The following ATP8B2 variants were observed in gnomAD, a reference collection of about 807,000 sequenced individuals.
ATP8B2 encodes the protein ATPase phospholipid transporting 8B2.
ATP8B2 carries 70 observed loss-of-function variants against 133.4 expected under a neutral mutation model. That is an observed-to-expected ratio of 0.52 (90% CI 0.43 to 0.64). The LOEUF (loss-of-function observed/expected upper bound fraction) is 0.64. ATP8B2 is among the 30% of genes least tolerant of loss of function. ATP8B2 has a pLI of 0.00. For synonymous variants in ATP8B2, 517 were observed against 589.5 expected (o/e 0.88, Z 1.78); for missense variants, 1,101 against 1,535.7 (o/e 0.72, Z 4.73).
intron 2 of ATP8B2, among the ~76,000 whole-genome samples, chr1:154,329,494 G>C (rs903795462): frequency 6.6e-6 from 1 of 152,144 alleles, no homozygotes; most frequent in Non-Finnish European, 1.5e-5. Flanking sequence ...CCCCCGGGGA[G>C]ACGGGCTGGG....
Position 154,337,399 on chromosome 1 carries a change from A to G in ATP8B2, c.889A>G (p.Ile297Val), listed in dbSNP as rs916241854. The G allele has an allele frequency of 2.5e-6, 4 of 1,614,040 alleles. No homozygotes were observed. Among genetic ancestry groups the G allele is most frequent in the African/African-American group, 2.7e-5 (2 of 74,912 alleles). ...MGVILAIGNA[I>V]WEHEVGMRFQ... ...GGTGATCCTGGCCATTGGCAATGCCATCTGGGAGCACGAGGTGGGGATGCG... is the reference window on the plus strand; with the variant it reads ...GGTGATCCTGGCCATTGGCAATGCCGTCTGGGAGCACGAGGTGGGGATGCG... Residue 297 changes from isoleucine to valine, a missense_variant, in exon 12 of 28, where the codon ATC becomes GTC. Physicochemically the swap from Ile to Val is conservative, Grantham distance 29. Transcript: ENST00000368489.
In ATP8B2 at chr1:154,340,691, C is replaced by T. The variant is rs1020239627; in HGVS notation, c.1035-163C>T. On this transcript the variant is annotated intron_variant, in intron 12 of 27. Transcript: ENST00000368489. This position sits in a 1 kb window ranked among gnomAD's most constrained non-coding sequence, Gnocchi z 4.0. ...CTCTGCTGGCTGTGTGCAGCCGGCT[C>T]CACCTTCAGGCTCTCCTTGCCCTTT... is the stretch of plus-strand genomic sequence containing the variant. The T allele has an allele frequency of 1.5e-6, 1 of 671,142 alleles. No homozygotes were observed. The highest frequency in any genetic ancestry group is 1.8e-5 in the African/African-American group (1 of 55,258). The allele number at this position is 671,142 out of a possible 1,614,324, so 41.6% of individuals were successfully genotyped here. A position where few individuals can be genotyped will look rare whatever the true frequency, so the allele number is the denominator to read the frequency against.
rs143385680 is a variant in ATP8B2, at chr1:154,344,721, A to T, written c.2222A>T (p.Lys741Met). Reference sequence around the variant, plus strand: ...TATCAGGACAAGCTTTCTTCTTCCAAGCTAACTTCTGTCCTGGAGGCCGTT... The same window carrying T: ...TATCAGGACAAGCTTTCTTCTTCCATGCTAACTTCTGTCCTGGAGGCCGTT... Reference protein sequence around the residue: ...FTYQDKLSSSKLTSVLEAVAG... With the variant: ...FTYQDKLSSSMLTSVLEAVAG... The change falls in exon 21 of 28, where the codon AAG (lysine) becomes ATG (methionine). Residue 741 changes from lysine (K) to methionine (M), a missense_variant. By Grantham distance (95) the Lys-to-Met change is moderately conservative. Transcript: ENST00000368489. The surrounding 1 kb of genome is among the most constrained non-coding windows in gnomAD (Gnocchi z 4.1). 3 of 1,611,838 alleles carry T rather than the reference A, an allele frequency of 1.9e-6. No individual in the cohort carries two copies. The highest frequency in any genetic ancestry group is 2.5e-6 in the Non-Finnish European group (3 of 1,178,076).
Position 154,345,049 on chromosome 1 carries a change from G to T in ATP8B2, c.2365G>T (p.Val789Leu), listed in dbSNP as rs560873904. Residue 789 changes from valine (V) to leucine (L), a missense_variant, in exon 22 of 28, where the codon GTG becomes TTG. By Grantham distance (32) the Val-to-Leu change is conservative. Transcript: ENST00000368489. This position sits in a 1 kb window ranked among gnomAD's most constrained non-coding sequence, Gnocchi z 5.6. ...CACKAVICCR[V>L]TPLQKAQVVE... is the part of the protein sequence containing the mutation. ...CTGCAAAGCTGTCATCTGCTGCCGGGTGACCCCCTTGCAGAAGGCACAGGT... is the reference window on the plus strand; with the variant it reads ...CTGCAAAGCTGTCATCTGCTGCCGGTTGACCCCCTTGCAGAAGGCACAGGT... 6 of 1,614,198 alleles carry T rather than the reference G, an allele frequency of 3.7e-6. No homozygotes were observed. The highest frequency in any genetic ancestry group is 2.2e-5 in the East Asian group (1 of 44,888).
At position 154,344,276 on chromosome 1, in the gene ATP8B2, GC is replaced by G. The variant is rs759372941; in HGVS notation, c.2035+24del. Reference sequence around the variant, plus strand: ...CAAGGTGAGAGCCCAGCAGGGCAGAGCCAGTTGCAACTGACAGTAGCCCTGT... The same window carrying G: ...CAAGGTGAGAGCCCAGCAGGGCAGAGCAGTTGCAACTGACAGTAGCCCTGT... On this transcript the variant is annotated intron_variant, in intron 19 of 27. Transcript: ENST00000368489. This position sits in a 1 kb window ranked among gnomAD's most constrained non-coding sequence, Gnocchi z 4.1. The G allele has an allele frequency of 1.1e-5, 17 of 1,614,188 alleles. No individual in the cohort carries two copies. Among genetic ancestry groups the G allele is most frequent in the Non-Finnish European group, 1.4e-5 (17 of 1,180,008 alleles).
chr1:154,338,410 C>T (rs1319798029), intron 12 of ATP8B2, among the ~76,000 whole-genome samples: 1 of 152,134 alleles, frequency 6.6e-6, no homozygotes, highest in African/African-American at 2.4e-5. Context: ...ACCTGTAATC[C>T]CAGCACTTTG....
rs1007717257 is a variant in ATP8B2 at position 154,346,152 on chromosome 1, G to A, written c.2779-79G>A. On this transcript the variant is annotated intron_variant, in intron 24 of 27. Transcript: ENST00000368489. The surrounding 1 kb of genome is among the most constrained non-coding windows in gnomAD (Gnocchi z 4.5). ...TTGGAAAGGAGGAGGCAGGGACAGA[G>A]TCAGAGTCTGCCCTTGGTCATCCAG... The A allele has an allele frequency of 1.3e-6, 2 of 1,555,562 alleles. No individual in the cohort carries two copies. The highest frequency in any genetic ancestry group is 2.7e-5 in the African/African-American group (2 of 73,802).
intron 26 of ATP8B2, among the ~76,000 whole-genome samples, chr1:154,347,256 A>G (rs1444406456): frequency 6.6e-6 from 1 of 152,214 alleles, no homozygotes; most frequent in Non-Finnish European, 1.5e-5. Flanking sequence ...CTGTCAATCC[A>G]GGAAGAGGAA....
rs1686744862 is a variant in ATP8B2 at position 154,350,373 on chromosome 1, G to A, written c.*1255G>A. On this transcript the variant is annotated 3_prime_UTR_variant, in exon 28 of 28. Coordinates refer to ENST00000368489, the MANE Select transcript of ATP8B2 (RefSeq NM_001370597.1). ...CGTGAGCCACCACACCCAGCTCAGG[G>A]AGGCGTAGTTTTCTTTAATTTTAAA... 6.6e-6 allele frequency: 1 copy of A among 152,150 alleles called. No individual in the cohort carries two copies. The highest frequency in any genetic ancestry group is 1.5e-5 in the Non-Finnish European group (1 of 68,042). 9.4% of individuals were successfully genotyped at this position (152,150 alleles called of 1,614,324 possible).
chr1:154,337,443 G>A lies in ATP8B2; in HGVS notation c.933G>A (p.Pro311=), dbSNP rs769779086. The A allele has an allele frequency of 8.8e-5, 142 of 1,614,028 alleles. 1 individual carries two copies. The East Asian group carries it at 1.6e-3, about 18-fold the overall frequency. Residue 311 remains proline (P), a synonymous_variant, in exon 12 of 28, where the codon CCG becomes CCA. Transcript: ENST00000368489. ...EVGMRFQVYL[P]WDEAVDSAFF... is the part of the protein sequence containing the mutation. ...GGATGCGTTTCCAGGTCTACCTGCC[G>A]TGGGATGAGGCAGTGGACAGTGCCT... is the stretch of plus-strand genomic sequence containing the variant.
chr1:154,338,746 T>G (rs1171215283), intron 12 of ATP8B2: 1 of 152,178 alleles, frequency 6.6e-6, no homozygotes, highest in Non-Finnish European at 1.5e-5. Flanking sequence ...GCATTCTAAG[T>G]GTTACAGCTC....
rs1314339957 is a variant in ATP8B2 at position 154,348,968 on chromosome 1, C to G, written c.3423C>G (p.Ile1141Met). 1.2e-6 allele frequency: 2 copies of G among 1,614,276 alleles called. No homozygotes were observed. The highest frequency in any genetic ancestry group is 1.7e-5 in the Admixed American group (1 of 60,036). The change falls in exon 28 of 28, where the codon ATC becomes ATG. Residue 1141 changes from isoleucine (I) to methionine (M), a missense_variant. Ile to Met is a conservative substitution (Grantham distance 10). Coordinates refer to ENST00000368489, the MANE Select transcript of ATP8B2 (RefSeq NM_001370597.1). The stretch of plus-strand genomic sequence containing the variant: ...ATCAGGAGGGCTTCGGGGAGCTCAT[C>G]ATGTCTGGCAAGAACATGCGGCTGA... ...FSHQEGFGEL[I>M]MSGKNMRLSS... is the part of the protein sequence containing the mutation.
Position 154,340,779 on chromosome 1 carries a change from T to G in ATP8B2, c.1035-75T>G. 2.1e-6 allele frequency: 3 copies of G among 1,397,702 alleles called. No individual in the cohort carries two copies. Among genetic ancestry groups the G allele is most frequent in the Non-Finnish European group, 3.0e-6 (3 of 989,806 alleles). 86.6% of individuals were successfully genotyped at this position (1,397,702 alleles called of 1,614,324 possible). On this transcript the variant is annotated intron_variant, in intron 12 of 27. Transcript: ENST00000368489. This position sits in a 1 kb window ranked among gnomAD's most constrained non-coding sequence, Gnocchi z 4.0. ...CTTGTCTCTCCCCAGGCGGAGGGCC[T>G]GCAGCGAAGGCCCATGTGGGTGGGG... is the stretch of plus-strand genomic sequence containing the variant.
Position 154,331,855 on chromosome 1 carries a change from C to T in ATP8B2, c.439-99C>T. On this transcript the variant is annotated intron_variant, in intron 7 of 27. Transcript: ENST00000368489. The surrounding 1 kb of genome is among the most constrained non-coding windows in gnomAD (Gnocchi z 4.8). ...GAACTAGCCATTTATGCACCTGGAA[C>T]TAAGCAAACCAAGAATGCTTAGTGG... 3 of 1,386,522 alleles carry T rather than the reference C, an allele frequency of 2.2e-6. No individual in the cohort carries two copies. Among genetic ancestry groups the T allele is most frequent in the Non-Finnish European group, 3.1e-6 (3 of 976,702 alleles). 85.9% of individuals were successfully genotyped at this position (1,386,522 alleles called of 1,614,324 possible). A position where few individuals can be genotyped will look rare whatever the true frequency, so the allele number is the denominator to read the frequency against.
At position 154,340,878 on chromosome 1, in the gene ATP8B2, C is replaced by T. The variant is rs774974993; in HGVS notation, c.1059C>T (p.His353=). Residue 353 remains histidine, a synonymous_variant, in exon 13 of 28, where the codon CAC becomes CAT. Transcript: ENST00000368489. The surrounding 1 kb of genome is among the most constrained non-coding windows in gnomAD (Gnocchi z 4.0). ...GTGTGGAGGTCATCCGTCTGGGCCA[C>T]AGCTACTTCATCAACTGGGATAAGA... is the stretch of plus-strand genomic sequence containing the variant. ...YVSVEVIRLG[H]SYFINWDKKM... 1.2e-6 allele frequency: 2 copies of T among 1,614,218 alleles called. No homozygotes were observed. The highest frequency in any genetic ancestry group is 1.7e-5 in the Admixed American group (1 of 60,034).
rs1362771728 is a variant in ATP8B2, at chr1:154,344,924, G to A, written c.2287-47G>A. 5.1e-6 allele frequency: 8 copies of A among 1,574,202 alleles called. No homozygotes were observed. Among genetic ancestry groups the A allele is most frequent in the East Asian group, 2.2e-5 (1 of 44,496 alleles). On this transcript the variant is annotated intron_variant, in intron 21 of 27. Transcript: ENST00000368489. The surrounding 1 kb of genome is among the most constrained non-coding windows in gnomAD (Gnocchi z 4.1). Reference sequence around the variant, plus strand: ...GGACTGGGAGGAGCTGAGACTCCCAGGTGTCTCCTGGAAAGACTGGCTCTC... The same window carrying A: ...GGACTGGGAGGAGCTGAGACTCCCAAGTGTCTCCTGGAAAGACTGGCTCTC...
In ATP8B2 at chr1:154,342,474, A is replaced by G. The variant is rs901201708; in HGVS notation, c.1244-6A>G. 8.7e-6 allele frequency: 14 copies of G among 1,613,394 alleles called. No individual in the cohort carries two copies. Among genetic ancestry groups the G allele is most frequent in the Admixed American group, 1.7e-5 (1 of 59,956 alleles). ...TTGCTTCTTTTTCTGCCCTGGCTGT[A>G]TGTAGGTGATGTGTTTGACGTCCTG... On this transcript the variant is annotated splice_region_variant and splice_polypyrimidine_tract_variant and intron_variant, in intron 13 of 27. Coordinates refer to ENST00000368489, the MANE Select transcript of ATP8B2 (RefSeq NM_001370597.1).
Position 154,331,048 on chromosome 1 carries a change from T to C in ATP8B2, c.205T>C (p.Leu69=), listed in dbSNP as rs752776748. 1.2e-6 allele frequency: 2 copies of C among 1,613,538 alleles called. No homozygotes were observed. The highest frequency in any genetic ancestry group is 1.3e-5 in the African/African-American group (1 of 74,894). ...GCATACTTCTCTTTCTTTTTTTCAGTTGATCCCCCAGATCTCTTCCCTGTC... is the reference window on the plus strand; with the variant it reads ...GCATACTTCTCTTTCTTTTTTTCAGCTGATCCCCCAGATCTCTTCCCTGTC... The part of the protein sequence containing the change: ...TYFLFLLILQ[L]IPQISSLSWF... The change falls in exon 5 of 28, where the codon TTG becomes CTG. Residue 69 remains leucine (L), a splice_region_variant and synonymous_variant. Coordinates refer to ENST00000368489, the MANE Select transcript of ATP8B2 (RefSeq NM_001370597.1). The surrounding 1 kb of genome is among the most constrained non-coding windows in gnomAD (Gnocchi z 4.8).
At chr1:154,326,739 C>T (rs1055785998) in intron 1 of ATP8B2, among the ~76,000 whole-genome samples, 1 of 152,222 alleles carries the variant, frequency 6.6e-6, no homozygotes, top group South Asian at 2.1e-4. Context: ...TCATGGGACT[C>T]AAACTCAGAT....
Sources: gnomAD v4.1 joint callset for allele counts (sites outside exome capture counted in the v4.1 genomes callset) on GRCh38, gnomAD v4.1.1 for gene constraint, Gnocchi (gnomAD v3.1) non-coding constraint, MANE v1.5 for transcripts, NCBI Gene and HGNC (gene_info 2026-07-23, HGNC 2026-07-21) for gene names.